KAZN: variants seen among roughly 807,000 people sequenced by gnomAD.
KAZN encodes the protein kazrin, periplakin interacting protein, also known as kazrin.
Under a neutral mutation model 87.4 loss-of-function variants are expected in KAZN, and 40 were observed. The observed-to-expected ratio is 0.46, with a 90% CI of 0.36 to 0.60. The LOEUF is 0.60. Ranked by LOEUF, KAZN falls within the 20% of genes least tolerant of loss-of-function variation. The probability of loss-of-function intolerance (pLI) is 0.00; values close to 1 mark genes in which losing one functional copy is unlikely to be tolerated. For missense variants in KAZN, 898 were observed against 1,073.9 expected (o/e 0.84, Z 2.29); for synonymous variants, 466 against 458.3 (o/e 1.02, Z -0.22).
At chr1:14,991,421 A>T (rs1667348916) in intron 2 of KAZN, among the ~76,000 whole-genome samples, 1 of 152,114 alleles carries the variant, frequency 6.6e-6, no homozygotes, top group Admixed American at 6.6e-5. Context: ...TGTCCTCCAG[A>T]GCTACAAGCC....
At chr1:14,265,445 G>C (rs928893446) in intron 2 of KAZN, among the ~76,000 whole-genome samples, 1 of 152,244 alleles carries the variant, frequency 6.6e-6, no homozygotes, top group African/African-American at 2.4e-5. Flanking sequence ...CTTCAAGGTT[G>C]CTGGCTGCAT....
intron 1 of KAZN, among the ~76,000 whole-genome samples, chr1:14,851,573 T>C (rs973826764): frequency 4.6e-5 from 7 of 152,222 alleles, no homozygotes; most frequent in African/African-American, 1.7e-4. Context: ...AGGGGGCCTG[T>C]TGAGGGCCTT....
chr1:15,102,802 G>C (rs180927176), intron 11 of KAZN, among the ~76,000 whole-genome samples: 13 of 152,340 alleles, frequency 8.5e-5, no homozygotes, highest in Non-Finnish European at 1.5e-4. Flanking sequence ...ACGTGCCACT[G>C]TGTGGCTCTG....
At chr1:14,407,798 A>C (rs943062725) in intron 2 of KAZN, among the ~76,000 whole-genome samples, 4 of 152,246 alleles carry the variant, frequency 2.6e-5, no homozygotes, top group Non-Finnish European at 4.4e-5. Context: ...TTGAATGATT[A>C]CTGAGGCTTA....
chr1:15,017,834 A>C (rs1300985765), intron 2 of KAZN, among the ~76,000 whole-genome samples: 1 of 151,638 alleles, frequency 6.6e-6, no homozygotes, highest in Non-Finnish European at 1.5e-5. Flanking sequence ...ATTCTGGGGG[A>C]TACCCCGATG....
At chr1:14,551,968 T>C (rs1673552661) in intron 2 of KAZN, among the ~76,000 whole-genome samples, 1 of 152,154 alleles carries the variant, frequency 6.6e-6, no homozygotes, top group South Asian at 2.1e-4. Flanking sequence ...CTCTCTCTCT[T>C]CTTTTTATTT....
intron 2 of KAZN, among the ~76,000 whole-genome samples, chr1:14,190,334 T>C (rs757786514): frequency 7.2e-5 from 11 of 152,130 alleles, no homozygotes. Context: ...ACCTCCATTA[T>C]CTCATTTAAT....
At chr1:14,473,250 T>TA (rs35739559) in intron 2 of KAZN, among the ~76,000 whole-genome samples, 67,412 of 151,854 alleles carry the variant, frequency 0.44, 15,296 homozygotes, top group East Asian at 0.6. Context: ...GACATACTTA[T>TA]CTAAAGGTTT....
rs180801408 is a variant in KAZN, at chr1:14,573,175, C to A, written c.250-25808C>A. On this transcript the variant is annotated intron_variant, in intron 2 of 16. Coordinates refer to the KAZN transcript ENST00000636203. ...CCCATTTCTCCTAAACTACACAGTG[C>A]TTCCCACACTCTTCCTTTAAGCCCC... 7.2e-4 allele frequency among the ~76,000 whole-genome samples: 110 copies of A among 152,308 alleles called. 2 individuals are homozygous for A. The highest frequency in any genetic ancestry group is 2.6e-3 in the Admixed American group (40 of 15,304).
chr1:14,341,993 T>G (rs987796079), intron 2 of KAZN, among the ~76,000 whole-genome samples: 2 of 152,132 alleles, frequency 1.3e-5, no homozygotes, highest in African/African-American at 4.8e-5. Flanking sequence ...CCCACTACCC[T>G]TCAATCGGCC....
intron 2 of KAZN, among the ~76,000 whole-genome samples, chr1:14,410,761 C>T (rs1156968992): frequency 6.6e-6 from 1 of 152,174 alleles, no homozygotes; most frequent in African/African-American, 2.4e-5. Flanking sequence ...TTTGAAGATG[C>T]TGGCCTTGGA....
intron 1 of KAZN, among the ~76,000 whole-genome samples, chr1:14,107,756 A>T (rs533568264): frequency 1.3e-5 from 2 of 152,284 alleles, no homozygotes; most frequent in South Asian, 4.1e-4. Context: ...TGAGCTTTGT[A>T]TGCTGGGTTG....
intron 2 of KAZN, among the ~76,000 whole-genome samples, chr1:14,459,052 C>A (rs185140851): frequency 6.6e-6 from 1 of 152,248 alleles, no homozygotes; most frequent in Non-Finnish European, 1.5e-5. Flanking sequence ...TGCTTCCTGC[C>A]TGGCAGCTTC....
intron 1 of KAZN, among the ~76,000 whole-genome samples, chr1:14,138,331 G>A (rs1645155035): frequency 6.6e-6 from 1 of 152,102 alleles, no homozygotes; most frequent in Non-Finnish European, 1.5e-5. Context: ...CAGGGCTTAA[G>A]CAGATCTAGG....
At chr1:14,614,646 C>T (rs538117496) in intron 1 of KAZN, among the ~76,000 whole-genome samples, 5 of 152,176 alleles carry the variant, frequency 3.3e-5, no homozygotes, top group Admixed American at 6.5e-5. Context: ...AGGACTTTTC[C>T]GTTCATGGTG....
At chr1:14,320,423 G>A (rs1359659532) in intron 2 of KAZN, among the ~76,000 whole-genome samples, 1 of 151,964 alleles carries the variant, frequency 6.6e-6, no homozygotes, top group Non-Finnish European at 1.5e-5. Context: ...ACTGAACTGG[G>A]GATTTAATAT....
intron 1 of KAZN, among the ~76,000 whole-genome samples, chr1:14,752,118 G>A (rs982139407): frequency 3.9e-5 from 6 of 152,102 alleles, no homozygotes; most frequent in African/African-American, 1.4e-4. Context: ...TGTCAGGCTC[G>A]TTTTAACAAC....
At chr1:14,352,851 C>T (rs1658663854) in intron 2 of KAZN, among the ~76,000 whole-genome samples, 2 of 152,064 alleles carry the variant, frequency 1.3e-5, no homozygotes, top group South Asian at 4.1e-4. Context: ...TCCAGGAATG[C>T]AAGGTTTATT....
Position 14,436,734 on chromosome 1 carries a change from A to AAAAAAAAAAAAACAAAAAC in KAZN, c.250-162245_250-162244insAAAAAAAACAAAAACAAAA, listed in dbSNP as rs563539375. Among the ~76,000 whole-genome samples, 159 of 137,370 alleles carry AAAAAAAAAAAAACAAAAAC rather than the reference A, an allele frequency of 1.2e-3. 3 individuals carry two copies. Among genetic ancestry groups the AAAAAAAAAAAAACAAAAAC allele is most frequent in the Non-Finnish European group, 1.9e-3 (122 of 64,896 alleles). 90.1% of individuals were successfully genotyped at this position (137,370 alleles called of 152,430 possible). A position where few individuals can be genotyped will look rare whatever the true frequency, so the allele number is the denominator to read the frequency against. On this transcript the variant is annotated intron_variant, in intron 2 of 16. Transcript: ENST00000636203. ...CTCTGTCTCAAAAAAAAAAAAAAAAAAAAACCTTAAAACAATCCTGAGAGG... is the reference window on the plus strand; with the variant it reads ...CTCTGTCTCAAAAAAAAAAAAAAAAAAAAAAAAAAAAACAAAAACAAAACCTTAAAACAATCCTGAGAGG...
Sources: allele counts gnomAD v4.1 joint callset (sites outside exome capture counted in the v4.1 genomes callset), GRCh38; gene constraint gnomAD v4.1.1; transcripts MANE v1.5; gene names NCBI Gene and HGNC (gene_info 2026-07-23, HGNC 2026-07-21).